Variants in MCC observed in about 807,000 individuals in gnomAD.
MCC encodes colorectal mutant cancer protein.
Under a neutral mutation model 116.2 loss-of-function variants are expected in MCC, and 90 were observed. That is an observed-to-expected ratio of 0.77 (90% CI 0.65 to 0.92). MCC has a LOEUF of 0.92. MCC is among the 40% of genes least tolerant of loss of function. The pLI is 0.00. For missense variants in MCC, 1,516 were observed against 1,312.2 expected, an observed-to-expected ratio of 1.16 and a Z score of -2.40; for synonymous variants, 578 against 510.5, an observed-to-expected ratio of 1.13 and a Z score of -1.78.
chr5:113,086,557 G>T (rs149322379), intron 8 of MCC, among the ~76,000 whole-genome samples: 8 of 152,160 alleles, frequency 5.3e-5, no homozygotes, highest in African/African-American at 1.9e-4. Context: ...TTTAAAACGT[G>T]CATTTACCTG....
intron 3 of MCC, among the ~76,000 whole-genome samples, chr5:113,175,413 A>T (rs539392807): frequency 6.6e-6 from 1 of 152,314 alleles, no homozygotes; most frequent in African/African-American, 2.4e-5. Context: ...TGGTTTTGAA[A>T]GGTCCTAGAT....
intron 3 of MCC, among the ~76,000 whole-genome samples, chr5:113,258,901 T>C (rs1765120823): frequency 6.6e-6 from 1 of 152,228 alleles, no homozygotes; most frequent in African/African-American, 2.4e-5. Context: ...TCTTTTAAAG[T>C]AATTTTACAG....
At chr5:113,312,804 GA>G (rs901155531) in intron 3 of MCC, among the ~76,000 whole-genome samples, 36 of 151,978 alleles carry the variant, frequency 2.4e-4, no homozygotes, top group African/African-American at 7.7e-4. Flanking sequence ...ATCTAGTCCT[GA>G]AAAAAATATT....
At chr5:113,129,382 G>A (rs917329536) in intron 5 of MCC, among the ~76,000 whole-genome samples, 1 of 152,210 alleles carries the variant, frequency 6.6e-6, no homozygotes, top group Non-Finnish European at 1.5e-5. Context: ...GAAATCATTG[G>A]TGATTTTCAA....
intron 6 of MCC, among the ~76,000 whole-genome samples, chr5:113,117,291 A>C (rs569789684): frequency 5.3e-5 from 8 of 152,312 alleles, no homozygotes; most frequent in African/African-American, 1.9e-4. Flanking sequence ...TTTAGCATCA[A>C]ACATATTTCA....
At chr5:113,108,630 G>A (rs1362290593) in intron 6 of MCC, among the ~76,000 whole-genome samples, 1 of 147,242 alleles carries the variant, frequency 6.8e-6, no homozygotes, top group Non-Finnish European at 1.5e-5. Flanking sequence ...TCCAGCCTGG[G>A]CAAGAGAGCG....
At chr5:113,127,128 G>C (rs1306948216) in intron 5 of MCC, among the ~76,000 whole-genome samples, 1 of 152,098 alleles carries the variant, frequency 6.6e-6, no homozygotes, top group African/African-American at 2.4e-5. Flanking sequence ...TCCTGCATTA[G>C]TTTGCTAAGG....
chr5:113,231,669 G>C (rs376885848), intron 3 of MCC, among the ~76,000 whole-genome samples: 25 of 152,164 alleles, frequency 1.6e-4, no homozygotes, highest in African/African-American at 4.1e-4. Flanking sequence ...AAATTTTCTT[G>C]ACAGCTATGA....
chr5:113,368,622 G>GTTTT (rs372519921), intron 2 of MCC, among the ~76,000 whole-genome samples: 1 of 146,056 alleles, frequency 6.8e-6, no homozygotes, highest in African/African-American at 2.5e-5. Flanking sequence ...GAGAAAAAGT[G>GTTTT]TTTTTTTTTT....
intron 8 of MCC, among the ~76,000 whole-genome samples, 189 bp from the exon 9 acceptor site, chr5:113,085,499 G>A (rs915966248): frequency 4.6e-5 from 7 of 151,690 alleles, no homozygotes; most frequent in African/African-American, 9.7e-5. Context: ...TTAATGAATC[G>A]GTTTCTTAAA....
At chr5:113,388,508 T>C (rs1769326889) in intron 1 of MCC, among the ~76,000 whole-genome samples, 1 of 152,130 alleles carries the variant, frequency 6.6e-6, no homozygotes, top group South Asian at 2.1e-4. Flanking sequence ...ACCATCCCCT[T>C]GGTGATGAGT....
intron 2 of MCC, among the ~76,000 whole-genome samples, chr5:113,354,586 C>G (rs972450607): frequency 6.6e-6 from 1 of 151,780 alleles, no homozygotes; most frequent in Non-Finnish European, 1.5e-5. Context: ...AGGCATGCAC[C>G]ACCACACCCA....
chr5:113,335,520 A>G (rs990593741), intron 3 of MCC, among the ~76,000 whole-genome samples: 1 of 151,760 alleles, frequency 6.6e-6, no homozygotes, highest in African/African-American at 2.4e-5. Context: ...ATGTTTTAGA[A>G]TACTTACATA....
intron 11 of MCC, among the ~76,000 whole-genome samples, chr5:113,082,267 A>G (rs1754913928): frequency 1.3e-5 from 2 of 152,276 alleles, no homozygotes; most frequent in Non-Finnish European, 2.9e-5. Flanking sequence ...GGGATCCAAG[A>G]CTGAGCACAT....
intron 3 of MCC, among the ~76,000 whole-genome samples, chr5:113,261,565 T>C (rs1461073142): frequency 6.6e-6 from 1 of 152,202 alleles, no homozygotes; most frequent in African/African-American, 2.4e-5. Flanking sequence ...GAGAAGAATT[T>C]ACAAATACAG....
chr5:113,271,428 A>G (rs1163266340), intron 3 of MCC, among the ~76,000 whole-genome samples: 1 of 152,240 alleles, frequency 6.6e-6, no homozygotes, highest in African/African-American at 2.4e-5. Context: ...AAGAAAAAGA[A>G]GAAGGTTCCT....
intron 3 of MCC, among the ~76,000 whole-genome samples, chr5:113,244,133 C>G (rs1581308140): frequency 6.6e-6 from 1 of 152,202 alleles, no homozygotes; most frequent in African/African-American, 2.4e-5. Flanking sequence ...ATAATTGATT[C>G]TAATAGATCT....
At chr5:113,373,189 A>T (rs564526862) in intron 2 of MCC, among the ~76,000 whole-genome samples, 16 of 103,780 alleles carry the variant, frequency 1.5e-4, no homozygotes, top group African/African-American at 2.8e-4. Context: ...AAAAAAAAAT[A>T]AAATAAAATA....
Position 113,216,559 on chromosome 5 carries a change from C to T in MCC, c.628-65137G>A, listed in dbSNP as rs774377682. 5.3e-5 allele frequency among the ~76,000 whole-genome samples: 8 copies of T among 152,318 alleles called. No homozygotes were observed. The East Asian group carries it at 7.7e-4, about 15-fold the overall frequency. On this transcript the variant is annotated intron_variant, in intron 3 of 18. Coordinates refer to ENST00000408903, the MANE Select transcript of MCC (RefSeq NM_001085377.2). ...ATAATTCAGCACAGTGACAGGCACA[C>T]AGTAGCCATCAAAAAATGTTAACTA...
Sources: allele counts gnomAD v4.1 joint callset (sites outside exome capture counted in the v4.1 genomes callset), GRCh38; gene constraint gnomAD v4.1.1; transcripts MANE v1.5; gene names NCBI Gene and HGNC (gene_info 2026-07-23, HGNC 2026-07-21).